Variants in AP2A2 observed in about 807,000 individuals in gnomAD.
AP2A2 encodes the protein adaptor related protein complex 2 subunit alpha 2, also known as AP-2 complex subunit alpha-2.
In AP2A2, 32 loss-of-function variants were observed where a neutral mutation model predicts 104.2. That is an observed-to-expected ratio of 0.31 (90% CI 0.23 to 0.41). The LOEUF (loss-of-function observed/expected upper bound fraction) is 0.41. AP2A2 is among the 10% of genes least tolerant of loss of function. AP2A2 has a pLI of 1.00. For synonymous variants in AP2A2, 539 were observed against 533.3 expected, an observed-to-expected ratio of 1.01 and a Z score of -0.15; for missense variants, 912 against 1,261.0, an observed-to-expected ratio of 0.72 and a Z score of 4.19.
chr11:964,685 A>G (rs1854552315), intron 2 of AP2A2, among the ~76,000 whole-genome samples: 1 of 152,194 alleles, frequency 6.6e-6, no homozygotes, highest in South Asian at 2.1e-4. Context: ...AACAACAACA[A>G]CAACAACAAC....
chr11:993,444 C>CCGCATCATTAA lies in AP2A2; in HGVS notation c.1550+63_1550+64insCGCATCATTAA. ...CGGCGGGCCTCTCGGTGGTCGGTGG[C>CCGCATCATTAA]AAGAGGCGAGGCACCAGCTGGCCCT... On this transcript the variant is annotated intron_variant, in intron 12 of 21. Coordinates refer to ENST00000448903, the MANE Select transcript of AP2A2 (RefSeq NM_012305.4). The surrounding 1 kb of genome is among the most constrained non-coding windows in gnomAD (Gnocchi z 8.2). 8.0e-7 allele frequency: 1 copy of CCGCATCATTAA among 1,255,730 alleles called. No homozygotes were observed. The highest frequency in any genetic ancestry group is 1.0e-6 in the Non-Finnish European group (1 of 952,676). 77.8% of individuals were successfully genotyped at this position (1,255,730 alleles called of 1,614,324 possible).
At chr11:1,009,952 T>TA in intron 21 of AP2A2, 135 bp downstream of exon 21, 1 of 1,165,206 alleles carries the variant, frequency 8.6e-7, no homozygotes, top group Non-Finnish European at 1.2e-6. Context: ...ACCCTGTCAA[T>TA]ACATGGTTGC....
intron 1 of AP2A2, among the ~76,000 whole-genome samples, chr11:953,203 C>T (rs572313498): frequency 6.6e-5 from 10 of 152,308 alleles, no homozygotes; most frequent in Admixed American, 3.3e-4. Flanking sequence ...GTCACCCAGT[C>T]GCCCAGTCTG....
At chr11:957,982 G>C (rs998945424) in intron 1 of AP2A2, among the ~76,000 whole-genome samples, 1 of 152,232 alleles carries the variant, frequency 6.6e-6, no homozygotes, top group South Asian at 2.1e-4. Context: ...GCATCAGTCC[G>C]TCTTTAAGGT....
intron 5 of AP2A2, among the ~76,000 whole-genome samples, chr11:978,737 T>C (rs1470015756): frequency 1.3e-5 from 2 of 152,094 alleles, no homozygotes; most frequent in East Asian, 3.9e-4. Flanking sequence ...TGGTCTCAAG[T>C]CAGGAGCCCC....
rs145570190 is a variant in AP2A2 at position 947,549 on chromosome 11, G to A, written c.68-11888G>A. Among the ~76,000 whole-genome samples the A allele has an allele frequency of 9.6e-4, 146 of 152,110 alleles. 1 individual carries two copies. The highest frequency in any genetic ancestry group is 3.1e-3 in the African/African-American group (129 of 41,508). ...GGTGGCTCACACCTCTAATCCCAGC[G>A]CTTTGGGAGGCCGAGGTGGGCGGAT... On this transcript the variant is annotated intron_variant, in intron 1 of 21. Transcript: ENST00000448903.
intron 1 of AP2A2, among the ~76,000 whole-genome samples, chr11:954,446 GTAT>G (rs1381637400): frequency 1.3e-5 from 2 of 151,724 alleles, no homozygotes; most frequent in African/African-American, 4.9e-5. Flanking sequence ...GTGTATGTAT[GTAT>G]ATGTGTATAT....
At chr11:978,437 C>CT (rs1855127235) in intron 5 of AP2A2, among the ~76,000 whole-genome samples, 1 of 152,200 alleles carries the variant, frequency 6.6e-6, no homozygotes, top group African/African-American at 2.4e-5. Flanking sequence ...TCCTTGGATA[C>CT]TTTATGATTC....
intron 21 of AP2A2, 123 bp downstream of exon 21, chr11:1,009,940 C>T: frequency 7.9e-7 from 1 of 1,272,120 alleles, no homozygotes; most frequent in Admixed American, 2.3e-5. Context: ...TGTTTAACCA[C>T]CACCCTGTCA....
In AP2A2 at chr11:993,724, T is replaced by G. The variant is rs1564815642; in HGVS notation, c.1551-30T>G. 1 of 1,523,636 alleles carries G rather than the reference T, an allele frequency of 6.6e-7. No individual in the cohort carries two copies. Among genetic ancestry groups the G allele is most frequent in the Non-Finnish European group, 8.9e-7 (1 of 1,126,072 alleles). 94.4% of individuals were successfully genotyped at this position (1,523,636 alleles called of 1,614,324 possible). A position where few individuals can be genotyped will look rare whatever the true frequency, so the allele number is the denominator to read the frequency against. ...GCTGCAGCCTGCGAGGGGACGACGG[T>G]GTCCCTGTGTTGTGCCTCCCCGTCC... On this transcript the variant is annotated intron_variant, in intron 12 of 21. Transcript: ENST00000448903. This position sits in a 1 kb window ranked among gnomAD's most constrained non-coding sequence, Gnocchi z 8.2.
rs761756721 is a variant in AP2A2, at chr11:1,011,349, A to C, written c.*724A>C. ...GGCCCCGCAGGGCCCCCAGGACTCC[A>C]GGGTAAAGTGTGGGCCGGTGGCGCA... On this transcript the variant is annotated 3_prime_UTR_variant, in exon 22 of 22. Coordinates refer to ENST00000448903, the MANE Select transcript of AP2A2 (RefSeq NM_012305.4). 1 of 518,538 alleles carries C rather than the reference A, an allele frequency of 1.9e-6. No individual in the cohort carries two copies. The highest frequency in any genetic ancestry group is 1.9e-5 in the Admixed American group (1 of 51,564). The allele number at this position is 518,538 out of a possible 1,614,324, so 32.1% of individuals were successfully genotyped here.
At chr11:940,233 C>T (rs529282586) in intron 1 of AP2A2, among the ~76,000 whole-genome samples, 5 of 152,212 alleles carry the variant, frequency 3.3e-5, no homozygotes, top group East Asian at 3.9e-4. Context: ...GGATTACAGC[C>T]GTGAGCCACT....
intron 2 of AP2A2, among the ~76,000 whole-genome samples, chr11:965,627 A>G (rs962476360): frequency 2.0e-5 from 3 of 152,244 alleles, no homozygotes; most frequent in African/African-American, 7.2e-5. Flanking sequence ...GGCCTGGAGC[A>G]GAGCCATGCA....
chr11:960,419 G>C (rs1309426864), intron 2 of AP2A2, among the ~76,000 whole-genome samples: 2 of 150,802 alleles, frequency 1.3e-5, no homozygotes, highest in Non-Finnish European at 3.0e-5. Context: ...ATTTTATTTA[G>C]TAGAGACGAG....
At chr11:927,808 C>A in intron 1 of AP2A2, among the ~76,000 whole-genome samples, 1 of 86,762 alleles carries the variant, frequency 1.2e-5, no homozygotes, top group African/African-American at 4.7e-5. Flanking sequence ...AGAGTGAGAC[C>A]TTTCTCACAA....
chr11:967,582 T>TA (rs1453150227), intron 2 of AP2A2, among the ~76,000 whole-genome samples: 24 of 151,964 alleles, frequency 1.6e-4, no homozygotes, highest in Admixed American at 1.4e-3. Context: ...GGATGGTCTC[T>TA]ATCTCCTGAC....
At chr11:1,007,717 T>G in intron 17 of AP2A2, 1 of 471,064 alleles carries the variant, frequency 2.1e-6, no homozygotes, top group Non-Finnish European at 3.8e-6. Flanking sequence ...TGACAAAAAT[T>G]GTGTGTGTAA....
At chr11:952,133 G>C (rs1854074004) in intron 1 of AP2A2, among the ~76,000 whole-genome samples, 1 of 152,212 alleles carries the variant, frequency 6.6e-6, no homozygotes, top group African/African-American at 2.4e-5. Context: ...GCCTCCCAAG[G>C]TGCTGGGATT....
At chr11:1,003,468 C>T (rs1253097969) in intron 15 of AP2A2, among the ~76,000 whole-genome samples, 2 of 152,268 alleles carry the variant, frequency 1.3e-5, no homozygotes, top group South Asian at 2.1e-4. Flanking sequence ...CCAGCATGTT[C>T]CTGAAAAGCA....
Sources: gnomAD v4.1 joint callset for allele counts (sites outside exome capture counted in the v4.1 genomes callset) on GRCh38, gnomAD v4.1.1 for gene constraint, Gnocchi (gnomAD v3.1) non-coding constraint, MANE v1.5 for transcripts, NCBI Gene and HGNC (gene_info 2026-07-23, HGNC 2026-07-21) for gene names.